Variants in ANKRD44 observed in about 807,000 individuals in gnomAD.
ANKRD44 encodes ankyrin repeat domain 44.
ANKRD44 carries 35 observed loss-of-function variants against 116.0 expected under a neutral mutation model. The observed-to-expected ratio is 0.30, with a 90% CI of 0.23 to 0.40. ANKRD44 has a LOEUF of 0.40. Ranked by LOEUF, ANKRD44 falls within the 10% of genes least tolerant of loss-of-function variation. The probability of loss-of-function intolerance (pLI) is 1.00; values close to 1 mark genes in which losing one functional copy is unlikely to be tolerated. For missense variants in ANKRD44, 1,014 were observed against 1,242.6 expected (o/e 0.82, Z 2.77); for synonymous variants, 435 against 461.8 (o/e 0.94, Z 0.74).
intron 17 of ANKRD44, among the ~76,000 whole-genome samples, chr2:197,018,547 C>T (rs1434397974): frequency 6.6e-6 from 1 of 152,186 alleles, no homozygotes; most frequent in South Asian, 2.1e-4. Context: ...CTCACACATA[C>T]TCCCAGATAC....
chr2:197,056,150 C>A (rs967906095), intron 16 of ANKRD44, among the ~76,000 whole-genome samples: 3 of 152,148 alleles, frequency 2.0e-5, no homozygotes, highest in Non-Finnish European at 4.4e-5. Flanking sequence ...TGGGACATTA[C>A]TATAGTTTTG....
chr2:197,228,806 C>A (rs995954894), intron 1 of ANKRD44, among the ~76,000 whole-genome samples: 2 of 152,212 alleles, frequency 1.3e-5, no homozygotes, highest in African/African-American at 4.8e-5. Flanking sequence ...GAGGCCGAGG[C>A]AAGTGGATCA....
At chr2:197,123,138 T>C (rs2078896715) in intron 6 of ANKRD44, among the ~76,000 whole-genome samples, 1 of 152,158 alleles carries the variant, frequency 6.6e-6, no homozygotes, top group Non-Finnish European at 1.5e-5. Flanking sequence ...AAGCAATGCT[T>C]TTGAAAACAA....
chr2:196,993,543 T>C (rs1460200909), intron 27 of ANKRD44, 40 bp downstream of exon 27: 4 of 1,483,742 alleles, frequency 2.7e-6, no homozygotes, highest in East Asian at 2.5e-5. Context: ...AACTAGCTTA[T>C]GGAAGGTACC....
At chr2:197,280,063 A>G (rs1289472472) in intron 1 of ANKRD44, among the ~76,000 whole-genome samples, 1 of 152,146 alleles carries the variant, frequency 6.6e-6, no homozygotes, top group African/African-American at 2.4e-5. Flanking sequence ...CTTTCTGTCC[A>G]ATCTCTCTTT....
intron 1 of ANKRD44, among the ~76,000 whole-genome samples, chr2:197,250,088 C>T (rs1388197213): frequency 6.6e-6 from 1 of 152,224 alleles, no homozygotes; most frequent in Non-Finnish European, 1.5e-5. Flanking sequence ...TTAACAAAAT[C>T]TCTAGAGGTA....
intron 1 of ANKRD44, among the ~76,000 whole-genome samples, chr2:197,300,219 C>A (rs1171434010): frequency 6.6e-6 from 1 of 152,194 alleles, no homozygotes; most frequent in Non-Finnish European, 1.5e-5. Context: ...TGTTAATATG[C>A]AAACACCTCT....
intron 1 of ANKRD44, among the ~76,000 whole-genome samples, chr2:197,190,617 T>G (rs958320545): frequency 1.3e-5 from 2 of 152,226 alleles, no homozygotes; most frequent in African/African-American, 4.8e-5. Context: ...TGTTTTATTT[T>G]TCCCCAGGTA....
At chr2:197,283,957 C>G (rs1207392209) in intron 1 of ANKRD44, among the ~76,000 whole-genome samples, 1 of 152,120 alleles carries the variant, frequency 6.6e-6, no homozygotes, top group Non-Finnish European at 1.5e-5. Flanking sequence ...TAACTAGGCA[C>G]GAGGTACCAG....
intron 9 of ANKRD44, among the ~76,000 whole-genome samples, chr2:197,101,014 G>A (rs866051701): frequency 9.2e-5 from 14 of 151,858 alleles, no homozygotes; most frequent in African/African-American, 2.2e-4. Context: ...AGACATTTTC[G>A]CACATAACCA....
At chr2:197,136,696 G>A in intron 3 of ANKRD44, 34 bp from the exon 4 acceptor site, 1 of 1,594,476 alleles carries the variant, frequency 6.3e-7, no homozygotes, top group South Asian at 1.1e-5. Context: ...GAGGCATAAT[G>A]GGGTCAAGGG....
At chr2:197,024,279 C>A (rs2076549789) in intron 17 of ANKRD44, among the ~76,000 whole-genome samples, 1 of 152,206 alleles carries the variant, frequency 6.6e-6, no homozygotes, top group African/African-American at 2.4e-5. Context: ...GAAACCCAGC[C>A]CCTTCCCATT....
chr2:197,009,468 C>T (rs757140739), intron 18 of ANKRD44, among the ~76,000 whole-genome samples: 1 of 151,902 alleles, frequency 6.6e-6, no homozygotes, highest in Non-Finnish European at 1.5e-5. Flanking sequence ...CTCCGCCTCC[C>T]GAGTTCAAGT....
In ANKRD44 at chr2:197,090,346, C is replaced by G. The variant is rs536994970; in HGVS notation, c.1101-314G>C. On this transcript the variant is annotated intron_variant, in intron 10 of 27. Coordinates refer to ENST00000282272, the MANE Select transcript of ANKRD44 (RefSeq NM_001195144.2). ...TAATTTCCCTGTCATTTTCTTTCAG[C>G]TTGGTGATTGTATGTCTCATTCTCT... 6.6e-5 allele frequency among the ~76,000 whole-genome samples: 10 copies of G among 152,300 alleles called. No homozygotes were observed. In the South Asian group the frequency reaches 1.9e-3, roughly 28 times the overall value.
chr2:197,010,423 C>T (rs548598222), intron 18 of ANKRD44, among the ~76,000 whole-genome samples: 1 of 152,274 alleles, frequency 6.6e-6, no homozygotes, highest in East Asian at 1.9e-4. Context: ...TGCCCCTCCT[C>T]GCCCAGCGGA....
At position 196,987,904 on chromosome 2, in the gene ANKRD44, A is replaced by G; in HGVS notation, c.*1687T>C. On this transcript the variant is annotated 3_prime_UTR_variant, in exon 28 of 28. Coordinates refer to ENST00000282272, the MANE Select transcript of ANKRD44 (RefSeq NM_001195144.2). ...TATTTCTAAGAGATGTAATTAAAAT[A>G]CAGAAATGATAGTTTTTAAAGTCAT... 1.0e-6 allele frequency: 1 copy of G among 983,278 alleles called. No homozygotes were observed. The highest frequency in any genetic ancestry group is 1.2e-6 in the Non-Finnish European group (1 of 827,974). 60.9% of individuals were successfully genotyped at this position (983,278 alleles called of 1,614,324 possible).
chr2:197,193,732 C>A (rs2579410), intron 1 of ANKRD44, among the ~76,000 whole-genome samples: 145,322 of 151,956 alleles, frequency 0.96, 69,520 homozygotes, highest in East Asian at 1. Flanking sequence ...ACAAAAAAAA[C>A]TTAGCCGGGC....
chr2:196,998,913 C>G lies in ANKRD44; in HGVS notation c.2659G>C (p.Ala887Pro). ...CCATACAACAAGCACATACCCACAG[C>G]GCCTGCCTGCCCATTCTCAGCAGCC... Reference protein sequence around the residue: ...MMAAENGQAGAVDILVNSAQA... With the variant: ...MMAAENGQAGPVDILVNSAQA... The change falls in exon 24 of 28, where the codon GCT (alanine) becomes CCT (proline). Residue 887 changes from alanine (A) to proline (P), a missense_variant. Physicochemically the swap from Ala to Pro is conservative, Grantham distance 27. Coordinates refer to ENST00000282272, the MANE Select transcript of ANKRD44 (RefSeq NM_001195144.2). The G allele has an allele frequency of 6.2e-7, 1 of 1,614,058 alleles. No homozygotes were observed. The highest frequency in any genetic ancestry group is 8.5e-7 in the Non-Finnish European group (1 of 1,179,942).
intron 1 of ANKRD44, among the ~76,000 whole-genome samples, chr2:197,230,247 A>G (rs2125761375): frequency 6.6e-6 from 1 of 152,232 alleles, no homozygotes; most frequent in South Asian, 2.1e-4. Flanking sequence ...AAATAAAAGG[A>G]TTGACTGTTC....
Sources: allele counts gnomAD v4.1 joint callset (sites outside exome capture counted in the v4.1 genomes callset), GRCh38; gene constraint gnomAD v4.1.1; transcripts MANE v1.5; gene names NCBI Gene and HGNC (gene_info 2026-07-23, HGNC 2026-07-21).